The following VEPH1 variants were observed in gnomAD, a reference collection of about 807,000 sequenced individuals.
VEPH1 encodes the protein ventricular zone-expressed PH domain-containing protein homolog 1.
VEPH1 carries 80 observed loss-of-function variants against 85.2 expected under a neutral mutation model. The observed-to-expected ratio is 0.94, with a 90% CI of 0.78 to 1.13. VEPH1 has a LOEUF of 1.13. VEPH1 is among the 50% of genes most tolerant of loss of function. VEPH1 has a pLI of 0.00. For synonymous variants in VEPH1, 297 were observed against 348.0 expected (o/e 0.85, Z 1.63); for missense variants, 955 against 980.5 (o/e 0.97, Z 0.35).
chr3:157,363,058 A>T (rs1248586944), intron 9 of VEPH1, among the ~76,000 whole-genome samples: 3 of 152,020 alleles, frequency 2.0e-5, no homozygotes, highest in Non-Finnish European at 2.9e-5. Flanking sequence ...AGGGTCACAG[A>T]CCTCTTTCCA....
chr3:157,267,102 C>CTTTTTTTTTTTTTTTTTTTTTTT (rs10537483), intron 12 of VEPH1, among the ~76,000 whole-genome samples: 2 of 124,674 alleles, frequency 1.6e-5, no homozygotes, highest in African/African-American at 3.0e-5. Flanking sequence ...TCTTTTTTTT[C>CTTTTTTTTTTTTTTTTTTTTTTT]TTTTTTTTTT....
intron 6 of VEPH1, 114 bp from the exon 7 acceptor site, chr3:157,381,490 G>T: frequency 9.7e-7 from 1 of 1,028,000 alleles, no homozygotes; most frequent in Non-Finnish European, 1.4e-6. Context: ...GGATGGCTTG[G>T]AACTCCTGAT....
At chr3:157,410,609 A>G (rs1010092542) in intron 6 of VEPH1, among the ~76,000 whole-genome samples, 8 of 152,154 alleles carry the variant, frequency 5.3e-5, no homozygotes, top group Admixed American at 5.2e-4. Context: ...AGATTACTAC[A>G]CTTATTCTTG....
intron 4 of VEPH1, among the ~76,000 whole-genome samples, chr3:157,453,809 T>C (rs1428911812): frequency 3.9e-5 from 6 of 152,200 alleles, no homozygotes; most frequent in Admixed American, 3.3e-4. Flanking sequence ...AATGGAGTTT[T>C]ACAGTCACAT....
chr3:157,378,876 C>G (rs1728452798), intron 7 of VEPH1, among the ~76,000 whole-genome samples: 1 of 152,146 alleles, frequency 6.6e-6, no homozygotes, highest in Non-Finnish European at 1.5e-5. Context: ...TACTCCACCT[C>G]CAATAGGTGA....
rs543554926 is a variant in VEPH1 at position 157,318,608 on chromosome 3, A to G, written c.1736-1407T>C. Among the ~76,000 whole-genome samples, 7 of 141,030 alleles carry G rather than the reference A, an allele frequency of 5.0e-5. No homozygotes were observed. The South Asian group carries it at 1.8e-3, about 36-fold the overall frequency. 92.5% of individuals were successfully genotyped at this position (141,030 alleles called of 152,430 possible). ...GGCAACAGAGAAATACTCCGTCCCA[A>G]AAAAACAAAACAAAACAAAAAAAAA... On this transcript the variant is annotated intron_variant, in intron 9 of 13. Transcript: ENST00000362010.
intron 11 of VEPH1, among the ~76,000 whole-genome samples, chr3:157,305,007 G>A (rs1171791666): frequency 1.4e-5 from 2 of 139,424 alleles, no homozygotes; most frequent in East Asian, 4.9e-4. Context: ...AGAGAGCCAG[G>A]AAATAGTTGT....
intron 11 of VEPH1, among the ~76,000 whole-genome samples, chr3:157,291,033 T>C (rs1374503867): frequency 6.6e-6 from 1 of 152,198 alleles, no homozygotes; most frequent in Admixed American, 6.5e-5. Flanking sequence ...CAGAAATCAG[T>C]GAAAGCATAC....
intron 6 of VEPH1, among the ~76,000 whole-genome samples, chr3:157,382,022 A>G (rs1406837090): frequency 6.6e-6 from 1 of 152,192 alleles, no homozygotes; most frequent in Non-Finnish European, 1.5e-5. Flanking sequence ...TGCACGGGGC[A>G]GGTACGGTCC....
At chr3:157,485,532 G>A (rs1738540199) in intron 2 of VEPH1, among the ~76,000 whole-genome samples, 4 of 151,844 alleles carry the variant, frequency 2.6e-5, no homozygotes. Context: ...CAACCCACTA[G>A]TCCCAAGAGT....
At chr3:157,454,693 GAACCC>G (rs1735224383) in intron 4 of VEPH1, among the ~76,000 whole-genome samples, 1 of 152,044 alleles carries the variant, frequency 6.6e-6, no homozygotes, top group South Asian at 2.1e-4. Context: ...GGGTACAATT[GAACCC>G]ATCACAGAGG....
At chr3:157,298,733 A>T (rs1718411311) in intron 11 of VEPH1, among the ~76,000 whole-genome samples, 1 of 152,230 alleles carries the variant, frequency 6.6e-6, no homozygotes, top group East Asian at 1.9e-4. Context: ...TGAATGAAGG[A>T]TAAAAATATA....
intron 12 of VEPH1, among the ~76,000 whole-genome samples, chr3:157,281,748 G>C (rs1716155271): frequency 6.6e-6 from 1 of 152,136 alleles, no homozygotes; most frequent in South Asian, 2.1e-4. Flanking sequence ...ATGTTGGCCA[G>C]GATGGTCTCG....
chr3:157,272,369 T>TTTC (rs1559913839), intron 12 of VEPH1, among the ~76,000 whole-genome samples: 12 of 82,214 alleles, frequency 1.5e-4, no homozygotes, highest in Non-Finnish European at 2.8e-4. Flanking sequence ...TCTTTCTTTC[T>TTTC]CTTTCTTTTC....
intron 9 of VEPH1, among the ~76,000 whole-genome samples, chr3:157,359,125 A>G (rs1305591956): frequency 6.6e-6 from 1 of 152,216 alleles, no homozygotes; most frequent in Non-Finnish European, 1.5e-5. Flanking sequence ...GATGGGATGT[A>G]TTTTCACCCA....
chr3:157,377,788 CCTTTATAAATTA>C (rs1728293058), intron 7 of VEPH1, among the ~76,000 whole-genome samples: 1 of 152,096 alleles, frequency 6.6e-6, no homozygotes, highest in African/African-American at 2.4e-5. Context: ...AAACCTCTAT[CCTTTATAAATTA>C]CTCACTCTCA....
Position 157,272,291 on chromosome 3 carries a change from T to TC in VEPH1, c.2129-6630dup, listed in dbSNP as rs748877251. 9.9e-4 allele frequency among the ~76,000 whole-genome samples: 147 copies of TC among 148,196 alleles called. 1 individual carries two copies. The highest frequency in any genetic ancestry group is 1.8e-3 in the Non-Finnish European group (119 of 66,656). On this transcript the variant is annotated intron_variant, in intron 12 of 13. Coordinates refer to ENST00000362010, the MANE Select transcript of VEPH1 (RefSeq NM_001167912.2). ...TTCCTTCCTTCCTTCCTTCCTTCCT[T>TC]CCTTCCCTTCCTCTCTCTCTCTCTC...
At chr3:157,457,858 T>A (rs981604509) in intron 4 of VEPH1, among the ~76,000 whole-genome samples, 5 of 152,132 alleles carry the variant, frequency 3.3e-5, no homozygotes, top group African/African-American at 1.2e-4. Flanking sequence ...GATTTTGGTA[T>A]CAGGATGATG....
chr3:157,357,649 C>T (rs373141169), intron 9 of VEPH1, among the ~76,000 whole-genome samples: 11 of 151,990 alleles, frequency 7.2e-5, no homozygotes, highest in East Asian at 3.9e-4. Context: ...CGTGCTACCA[C>T]GCCTGGCTAA....
Sources: gnomAD v4.1 joint callset for allele counts (sites outside exome capture counted in the v4.1 genomes callset) on GRCh38, gnomAD v4.1.1 for gene constraint, MANE v1.5 for transcripts, NCBI Gene and HGNC (gene_info 2026-07-23, HGNC 2026-07-21) for gene names.